NREP: variants seen among roughly 807,000 people sequenced by gnomAD.
NREP encodes neuronal regeneration-related protein.
A neutral mutation model predicts 8.6 loss-of-function variants in NREP; 5 were observed. The ratio of observed to expected loss-of-function variants is 0.58; its 90% CI spans 0.30 to 1.22. The LOEUF is 1.22. Among genes scored for constraint, NREP ranks in the 50% most tolerant of loss-of-function variants. The pLI is 0.07. For synonymous variants in NREP, 27 were observed against 28.0 expected, an observed-to-expected ratio of 0.96 and a Z score of 0.11; for missense variants, 86 against 82.5, an observed-to-expected ratio of 1.04 and a Z score of -0.17.
intron 2 of NREP, among the ~76,000 whole-genome samples, chr5:111,890,765 G>A (rs1339391164): frequency 6.6e-6 from 1 of 152,228 alleles, no homozygotes; most frequent in Non-Finnish European, 1.5e-5. Flanking sequence ...GATGTGGAGA[G>A]CAGTGTCTCA....
chr5:111,765,063 TC>T (rs755694665), intron 2 of NREP, among the ~76,000 whole-genome samples: 2 of 152,168 alleles, frequency 1.3e-5, no homozygotes, highest in Non-Finnish European at 2.9e-5. Flanking sequence ...ATCAGCATTC[TC>T]CAACCTTTTG....
chr5:111,965,866 CT>C (rs1368566359), intron 2 of NREP, among the ~76,000 whole-genome samples: 2 of 152,040 alleles, frequency 1.3e-5, no homozygotes, highest in East Asian at 3.8e-4. Context: ...CTTGATATGT[CT>C]CCTAAGTAGG....
In NREP at chr5:111,730,305, TAAA is replaced by T. The variant is rs1405482255; in HGVS notation, c.*613_*615del. On this transcript the variant is annotated 3_prime_UTR_variant, in exon 4 of 4. Transcript: ENST00000257435. ...CCAACACCTTCTTAGAACATGGAAA[TAAA>T]AAATAACTCCATCAGAGCTACCTCG... The T allele has an allele frequency of 6.6e-6, 1 of 152,312 alleles. No homozygotes were observed. The highest frequency in any genetic ancestry group is 6.6e-5 in the Admixed American group (1 of 15,256). The allele number at this position is 152,312 out of a possible 1,614,324, so 9.4% of individuals were successfully genotyped here.
intron 2 of NREP, among the ~76,000 whole-genome samples, chr5:111,870,871 G>T (rs1453831892): frequency 6.6e-6 from 1 of 152,014 alleles, no homozygotes; most frequent in Non-Finnish European, 1.5e-5. Flanking sequence ...AGTTTTATAG[G>T]AAGCATAGCC....
intron 2 of NREP, among the ~76,000 whole-genome samples, chr5:111,906,033 G>A (rs182704093): frequency 6.6e-6 from 1 of 152,060 alleles, no homozygotes; most frequent in Admixed American, 6.6e-5. Flanking sequence ...AAAGATTAGA[G>A]CTCATTTAAA....
intron 2 of NREP, among the ~76,000 whole-genome samples, chr5:111,941,769 T>G (rs899196019): frequency 2.0e-5 from 3 of 152,032 alleles, no homozygotes; most frequent in African/African-American, 7.2e-5. Context: ...GCATGCCATA[T>G]CTGTTTTAAA....
chr5:111,904,816 T>G (rs1754738623), intron 2 of NREP, among the ~76,000 whole-genome samples: 1 of 152,098 alleles, frequency 6.6e-6, no homozygotes, highest in African/African-American at 2.4e-5. Context: ...CATTATCTAT[T>G]GCAGAAAACA....
At chr5:111,732,689 C>T (rs1265269064) in intron 3 of NREP, 1 of 146,756 alleles carries the variant, frequency 6.8e-6, no homozygotes, top group Admixed American at 6.8e-5. Context: ...AGGAAATCCA[C>T]TGTAATCCCA....
intron 2 of NREP, among the ~76,000 whole-genome samples, chr5:111,925,345 T>C (rs1280345227): frequency 1.3e-5 from 2 of 152,276 alleles, no homozygotes; most frequent in South Asian, 2.1e-4. Flanking sequence ...GGCTTCTTAC[T>C]GCCAGGACAG....
At chr5:111,814,662 G>T (rs1752345293) in intron 2 of NREP, among the ~76,000 whole-genome samples, 1 of 152,234 alleles carries the variant, frequency 6.6e-6, no homozygotes, top group Admixed American at 6.5e-5. Context: ...AGGGGGTATT[G>T]CTGCTAAAAT....
intron 2 of NREP, among the ~76,000 whole-genome samples, chr5:111,872,603 T>A (rs1200088749): frequency 6.6e-6 from 1 of 152,154 alleles, no homozygotes; most frequent in Admixed American, 6.6e-5. Context: ...GAGAGTGTGT[T>A]GTCTGGAATA....
At position 111,730,854 on chromosome 5, in the gene NREP, C is replaced by T. The variant is rs1748480898; in HGVS notation, c.*67G>A. On this transcript the variant is annotated 3_prime_UTR_variant, in exon 4 of 4. Transcript: ENST00000257435. ...TTGATGATTTACACAGAAAAAAATC[C>T]CATATATGATACCATGACCTCATCA... 3.9e-6 allele frequency: 6 copies of T among 1,538,806 alleles called. No homozygotes were observed. Among genetic ancestry groups the T allele is most frequent in the Non-Finnish European group, 5.3e-6 (6 of 1,128,704 alleles).
intron 2 of NREP, among the ~76,000 whole-genome samples, chr5:111,815,773 A>G (rs1267766897): frequency 2.0e-5 from 3 of 152,112 alleles, no homozygotes; most frequent in South Asian, 2.1e-4. Flanking sequence ...AACGCCATGT[A>G]AGATACAGGT....
intron 2 of NREP, among the ~76,000 whole-genome samples, chr5:111,908,114 T>G (rs1250163423): frequency 2.6e-5 from 4 of 152,010 alleles, no homozygotes; most frequent in Non-Finnish European, 5.9e-5. Flanking sequence ...ATGGAAAACT[T>G]CCATCTTCTG....
intron 2 of NREP, among the ~76,000 whole-genome samples, chr5:111,753,112 A>T (rs1203966314): frequency 6.6e-6 from 1 of 151,868 alleles, no homozygotes; most frequent in African/African-American, 2.4e-5. Flanking sequence ...TAGAAAACAA[A>T]AAGTTGGAGA....
upstream of NREP, among the ~76,000 whole-genome samples, chr5:111,761,957 G>T (rs1258885250): frequency 1.3e-5 from 2 of 151,970 alleles, no homozygotes; most frequent in Non-Finnish European, 2.9e-5. Context: ...TTTTTTTCCA[G>T]GGAAGGTTAT....
intron 2 of NREP, among the ~76,000 whole-genome samples, chr5:111,813,793 C>G (rs1752320641): frequency 6.6e-6 from 1 of 151,940 alleles, no homozygotes; most frequent in Non-Finnish European, 1.5e-5. Context: ...AATTTCCCAG[C>G]TGATTTATTT....
intron 2 of NREP, among the ~76,000 whole-genome samples, chr5:111,955,409 T>G (rs909433101): frequency 9.9e-5 from 15 of 151,072 alleles, no homozygotes; most frequent in African/African-American, 3.7e-4. Context: ...GGACCTTGTA[T>G]CTATAGGTGT....
At chr5:111,757,379 T>TCG, upstream of NREP, 1 of 956,532 alleles carries the variant, frequency 1.0e-6, no homozygotes, top group Non-Finnish European at 1.2e-6. Flanking sequence ...TCTCCCTGCC[T>TCG]CGCGCTCTCT....
Sources: gnomAD v4.1 joint callset for allele counts (sites outside exome capture counted in the v4.1 genomes callset) on GRCh38, gnomAD v4.1.1 for gene constraint, MANE v1.5 for transcripts, NCBI Gene and HGNC (gene_info 2026-07-23, HGNC 2026-07-21) for gene names.